Variants in GRK7 observed in about 807,000 individuals in gnomAD.
GRK7 encodes the protein rhodopsin kinase GRK7.
A neutral mutation model predicts 34.1 loss-of-function variants in GRK7; 24 were observed. The observed-to-expected ratio is 0.70, with a 90% CI of 0.51 to 0.99. The LOEUF is 0.99. GRK7 is among the 50% of genes least tolerant of loss of function. GRK7 has a pLI of 0.00. For synonymous variants in GRK7, 256 were observed against 279.4 expected (o/e 0.92, Z 0.84); for missense variants, 644 against 707.3 (o/e 0.91, Z 1.02).
intron 4 of GRK7, among the ~76,000 whole-genome samples, chr3:141,781,570 G>GA (rs960626149): frequency 5.3e-5 from 8 of 149,908 alleles, no homozygotes; most frequent in East Asian, 3.9e-4. Context: ...AAAGAAAAAA[G>GA]AAAAAAAATA....
intron 5 of GRK7, among the ~76,000 whole-genome samples, chr3:141,810,123 T>C (rs958648102): frequency 6.6e-6 from 1 of 152,176 alleles, no homozygotes; most frequent in African/African-American, 2.4e-5. Context: ...AAAGACTGAC[T>C]TCCCCAGAAG....
At chr3:141,792,959 C>T (rs1193578438) in intron 4 of GRK7, among the ~76,000 whole-genome samples, 1 of 152,114 alleles carries the variant, frequency 6.6e-6, no homozygotes, top group African/African-American at 2.4e-5. Flanking sequence ...TTCCTGATAG[C>T]CAATCACGTG....
At chr3:141,794,136 G>C (rs2084738468) in intron 4 of GRK7, among the ~76,000 whole-genome samples, 1 of 152,214 alleles carries the variant, frequency 6.6e-6, no homozygotes, top group Non-Finnish European at 1.5e-5. Context: ...AGGCAAGCAG[G>C]TGGCAGGAGG....
intron 4 of GRK7, among the ~76,000 whole-genome samples, chr3:141,786,367 G>C (rs73872336): frequency 3.3e-5 from 5 of 152,176 alleles, no homozygotes; most frequent in African/African-American, 1.2e-4. Flanking sequence ...AATGACCCTT[G>C]CTTGCCCTTG....
intron 4 of GRK7, among the ~76,000 whole-genome samples, chr3:141,796,572 A>C (rs1488460334): frequency 2.0e-5 from 3 of 152,214 alleles, no homozygotes; most frequent in African/African-American, 7.2e-5. Flanking sequence ...CCAAGGCTGC[A>C]GCAGTGGGCA....
intron 5 of GRK7, among the ~76,000 whole-genome samples, chr3:141,814,062 A>C (rs958170959): frequency 6.6e-6 from 1 of 152,104 alleles, no homozygotes; most frequent in Non-Finnish European, 1.5e-5. Context: ...CATAGTGGGG[A>C]ATCTCTGAAA....
In GRK7 at chr3:141,778,471, C is replaced by A. The variant is rs1315667855; in HGVS notation, c.187C>A (p.Gln63Lys). Residue 63 changes from glutamine (Q) to lysine (K), a missense_variant, in exon 3 of 6, where the codon CAG (glutamine) becomes AAG (lysine). Coordinates refer to ENST00000682958, the MANE Select transcript of GRK7 (RefSeq NM_139209.3). The surrounding 1 kb of genome is among the most constrained non-coding windows in gnomAD (Gnocchi z 4.1). ...GAACTTCCACAGCCTGTGTGAGCAG[C>A]AGCCCATCGGTCGCCGCCTCTTCCG... ...SLNFHSLCEQ[Q>K]PIGRRLFRDF... 1 of 1,613,036 alleles carries A rather than the reference C, an allele frequency of 6.2e-7. No individual in the cohort carries two copies. The highest frequency in any genetic ancestry group is 1.1e-5 in the South Asian group (1 of 91,092).
intron 1 of GRK7, among the ~76,000 whole-genome samples, 199 bp downstream of exon 1, chr3:141,765,937 G>C (rs1314301657): frequency 6.6e-6 from 1 of 152,146 alleles, no homozygotes; most frequent in Non-Finnish European, 1.5e-5. Flanking sequence ...GGTAAGAGGT[G>C]TTTAAGTGTC....
At chr3:141,757,032 G>T in the GRK7 span, among the ~76,000 whole-genome samples, 3 of 151,312 alleles carry the variant, frequency 2.0e-5, no homozygotes, top group Non-Finnish European at 4.4e-5. Context: ...AAATCTTGGA[G>T]CTACCCCCAA....
At chr3:141,770,318 A>G (rs2084611075) in intron 1 of GRK7, among the ~76,000 whole-genome samples, 1 of 152,232 alleles carries the variant, frequency 6.6e-6, no homozygotes, top group Non-Finnish European at 1.5e-5. Flanking sequence ...CAATAATCAC[A>G]GAGTTTATAA....
intron 5 of GRK7, among the ~76,000 whole-genome samples, chr3:141,815,699 C>CTGTG (rs61336912): frequency 0.1 from 14,966 of 145,706 alleles, 1,235 homozygotes; most frequent in African/African-American, 0.23. Flanking sequence ...CTATTTTGAG[C>CTGTG]TGTGTGTGTG....
intron 4 of GRK7, among the ~76,000 whole-genome samples, chr3:141,806,246 C>T (rs1000952659): frequency 2.6e-5 from 4 of 152,104 alleles, no homozygotes; most frequent in Non-Finnish European, 5.9e-5. Context: ...TTTCCCATTG[C>T]TCTCTGTCAT....
At position 141,798,587 on chromosome 3, in the gene GRK7, A is replaced by G. The variant is rs1033914312; in HGVS notation, c.1051-9058A>G. 3.3e-5 allele frequency among the ~76,000 whole-genome samples: 5 copies of G among 152,272 alleles called. No homozygotes were observed. The South Asian group carries it at 1.0e-3, about 32-fold the overall frequency. ...TCTGATGCTGCTGAGACAGAGGCGC[A>G]GGGCCCTGTGTAACTGCAGGAGTTA... On this transcript the variant is annotated intron_variant, in intron 4 of 5. Transcript: ENST00000682958.
intron 1 of GRK7, among the ~76,000 whole-genome samples, chr3:141,769,050 C>G (rs1019782514): frequency 6.6e-6 from 1 of 152,226 alleles, no homozygotes; most frequent in East Asian, 1.9e-4. Flanking sequence ...TCACCTACTC[C>G]CCTATGACTC....
chr3:141,790,163 A>G (rs1289012559), intron 4 of GRK7, among the ~76,000 whole-genome samples: 1 of 152,084 alleles, frequency 6.6e-6, no homozygotes, highest in Non-Finnish European at 1.5e-5. Flanking sequence ...TACCACGCCC[A>G]GCTAATTTTT....
intron 4 of GRK7, among the ~76,000 whole-genome samples, chr3:141,791,410 T>C (rs751076014): frequency 2.0e-5 from 3 of 152,022 alleles, no homozygotes; most frequent in Non-Finnish European, 2.9e-5. Context: ...AAGAAAGACA[T>C]ACAGGAGAGG....
Position 141,817,092 on chromosome 3 carries a change from C to A in GRK7, c.*42C>A. 1 of 1,436,256 alleles carries A rather than the reference C, an allele frequency of 7.0e-7. No homozygotes were observed. The highest frequency in any genetic ancestry group is 9.4e-7 in the Non-Finnish European group (1 of 1,060,370). The allele number at this position is 1,436,256 out of a possible 1,614,324, so 89.0% of individuals were successfully genotyped here. On this transcript the variant is annotated 3_prime_UTR_variant, in exon 6 of 6. Transcript: ENST00000682958. The stretch of plus-strand genomic sequence containing the variant: ...GACAGGCAGCAGGAGTCTCGGCTGA[C>A]ATAATCCTCGAATGTTCCACACGTG...
chr3:141,807,960 T>C (rs754338338), intron 5 of GRK7, 41 bp downstream of exon 5: 14 of 1,517,548 alleles, frequency 9.2e-6, no homozygotes, highest in Non-Finnish European at 1.2e-5. Context: ...GACACCAGTA[T>C]TGTCCACAGG....
At chr3:141,814,492 CTA>C (rs1711128061) in intron 5 of GRK7, among the ~76,000 whole-genome samples, 1 of 152,126 alleles carries the variant, frequency 6.6e-6, no homozygotes, top group Non-Finnish European at 1.5e-5. Context: ...TTTTCTGTTT[CTA>C]TGTTAGTTCA....
Sources: allele counts gnomAD v4.1 joint callset (sites outside exome capture counted in the v4.1 genomes callset), GRCh38; gene constraint gnomAD v4.1.1; non-coding constraint Gnocchi (gnomAD v3.1); transcripts MANE v1.5; gene names NCBI Gene and HGNC (gene_info 2026-07-23, HGNC 2026-07-21).